Variants in ARID1B observed in about 807,000 individuals in gnomAD.
ARID1B encodes AT-rich interaction domain 1B.
ARID1B carries 30 observed loss-of-function variants against 212.3 expected under a neutral mutation model. That is an observed-to-expected ratio of 0.14 (90% CI 0.11 to 0.19). The LOEUF (loss-of-function observed/expected upper bound fraction) is 0.19. Ranked by LOEUF, ARID1B falls within the 10% of genes least tolerant of loss-of-function variation. The pLI, the probability that ARID1B is intolerant of heterozygous loss-of-function variation, is 1.00. For synonymous variants in ARID1B, 1,402 were observed against 1,301.7 expected, an observed-to-expected ratio of 1.08 and a Z score of -1.66; for missense variants, 2,891 against 3,204.0, an observed-to-expected ratio of 0.90 and a Z score of 2.36.
chr6:156,897,342 C>T (rs573753903), intron 2 of ARID1B, among the ~76,000 whole-genome samples: 2 of 150,664 alleles, frequency 1.3e-5, no homozygotes, highest in Non-Finnish European at 2.9e-5. Context: ...GGAGCGATCT[C>T]AGCTCACTGT....
At chr6:156,938,207 T>G (rs1792410650) in intron 4 of ARID1B, 1 of 152,224 alleles carries the variant, frequency 6.6e-6, no homozygotes, top group African/African-American at 2.4e-5. Flanking sequence ...ATACTTATAA[T>G]AAGTTGCACA....
At chr6:157,122,563 C>T (rs186690561) in intron 6 of ARID1B, among the ~76,000 whole-genome samples, 67 of 152,332 alleles carry the variant, frequency 4.4e-4, no homozygotes, top group Admixed American at 2.0e-3. Flanking sequence ...GTGGTGGAAA[C>T]GCGCTTGCCC....
Position 156,974,672 on chromosome 6 carries a change from A to T in ARID1B, c.2247+39096A>T, listed in dbSNP as rs73578007. 3.6e-3 allele frequency among the ~76,000 whole-genome samples: 552 copies of T among 152,340 alleles called. 6 individuals carry two copies. Among genetic ancestry groups the T allele is most frequent in the African/African-American group, 0.012 (517 of 41,572 alleles). Reference sequence around the variant, plus strand: ...TCTTAGATACTGGCAGAGTTGTTTTAACTCAGTGAGAAGCATCACATGGAA... The same window carrying T: ...TCTTAGATACTGGCAGAGTTGTTTTTACTCAGTGAGAAGCATCACATGGAA... On this transcript the variant is annotated intron_variant, in intron 4 of 19. Transcript: ENST00000636930.
At chr6:156,905,086 T>A (rs1789253974) in intron 3 of ARID1B, among the ~76,000 whole-genome samples, 2 of 152,196 alleles carry the variant, frequency 1.3e-5, no homozygotes, top group Non-Finnish European at 2.9e-5. Context: ...TATATATATT[T>A]TGAATTTTCT....
Position 157,084,700 on chromosome 6 carries a change from G to T in ARID1B, c.2286G>T (p.Thr762=), listed in dbSNP as rs6912981. The change falls in exon 5 of 20, where the codon ACG becomes ACT. Residue 762 remains threonine, a synonymous_variant. Coordinates refer to ENST00000636930, the MANE Select transcript of ARID1B (RefSeq NM_001374828.1). The part of the protein sequence containing the change: ...SGSIDDLPTG[T]EATLSSAVSA... ...CCATTGATGACCTCCCCACGGGAAC[G>T]GAAGCAACTTTGAGCTCAGCAGTCA... is the stretch of plus-strand genomic sequence containing the variant. 6.2e-7 allele frequency: 1 copy of T among 1,614,104 alleles called. No individual in the cohort carries two copies. Among genetic ancestry groups the T allele is most frequent in the South Asian group, 1.1e-5 (1 of 91,078 alleles).
At chr6:157,061,273 T>G (rs1583235422) in intron 4 of ARID1B, among the ~76,000 whole-genome samples, 1 of 152,230 alleles carries the variant, frequency 6.6e-6, no homozygotes, top group Non-Finnish European at 1.5e-5. Context: ...ATAATGGCAA[T>G]TATAATAGTA....
At chr6:157,080,103 G>A (rs978275960) in intron 4 of ARID1B, among the ~76,000 whole-genome samples, 3 of 152,164 alleles carry the variant, frequency 2.0e-5, no homozygotes, top group African/African-American at 7.2e-5. Context: ...TTCTGATTCA[G>A]TGTTTATCCT....
chr6:156,780,952 T>G (rs1016656968), intron 1 of ARID1B, among the ~76,000 whole-genome samples: 1 of 152,224 alleles, frequency 6.6e-6, no homozygotes, highest in African/African-American at 2.4e-5. Context: ...ATGGAAAAAT[T>G]TGAATTCTGT....
intron 2 of ARID1B, among the ~76,000 whole-genome samples, chr6:156,851,716 C>A (rs1784589665): frequency 6.6e-6 from 1 of 152,180 alleles, no homozygotes; most frequent in South Asian, 2.1e-4. Context: ...TTTTTACTGG[C>A]ACAGTTAATT....
intron 4 of ARID1B, chr6:156,939,326 T>G (rs1043990972): frequency 6.6e-6 from 1 of 152,210 alleles, no homozygotes; most frequent in African/African-American, 2.4e-5. Context: ...TGGATATCCC[T>G]CAATTTATAT....
At chr6:156,972,540 A>G (rs868001274) in intron 4 of ARID1B, among the ~76,000 whole-genome samples, 30 of 152,236 alleles carry the variant, frequency 2.0e-4, no homozygotes, top group African/African-American at 6.5e-4. Context: ...GAAGATGAAC[A>G]TTTAGTAAGC....
chr6:157,110,990 AGC>A (rs1786868440), intron 6 of ARID1B: 1 of 172,764 alleles, frequency 5.8e-6, no homozygotes, highest in African/African-American at 2.4e-5. Context: ...TTAAACCCAG[AGC>A]AAGACCCTGT....
At chr6:156,796,151 A>C (rs1780357863) in intron 1 of ARID1B, among the ~76,000 whole-genome samples, 1 of 152,222 alleles carries the variant, frequency 6.6e-6, no homozygotes, top group Non-Finnish European at 1.5e-5. Flanking sequence ...GCTTAGAATT[A>C]AATGAAGTCT....
intron 3 of ARID1B, among the ~76,000 whole-genome samples, chr6:156,909,271 G>A (rs1284929638): frequency 2.0e-5 from 3 of 151,648 alleles, no homozygotes; most frequent in South Asian, 2.1e-4. Flanking sequence ...GATTACAGGC[G>A]TGCACCTCCA....
At chr6:157,059,615 G>A (rs1365440343) in intron 4 of ARID1B, among the ~76,000 whole-genome samples, 2 of 152,186 alleles carry the variant, frequency 1.3e-5, no homozygotes, top group Admixed American at 6.5e-5. Flanking sequence ...TGTTTTCAGT[G>A]GGCCAGGCCC....
intron 2 of ARID1B, among the ~76,000 whole-genome samples, chr6:156,868,660 A>G (rs893239456): frequency 6.6e-6 from 1 of 151,564 alleles, no homozygotes; most frequent in Non-Finnish European, 1.5e-5. Context: ...TGACCTAGTC[A>G]CCTCCCGAAG....
chr6:157,000,716 T>TTTTTTTTTTA (rs1778863620), intron 4 of ARID1B, among the ~76,000 whole-genome samples: 31 of 102,458 alleles, frequency 3.0e-4, no homozygotes, highest in Non-Finnish European at 4.1e-4. Flanking sequence ...TTTTTTTTTT[T>TTTTTTTTTTA]GAGACAGAGT....
intron 2 of ARID1B, among the ~76,000 whole-genome samples, chr6:156,874,414 A>T (rs918948570): frequency 1.9e-4 from 29 of 152,086 alleles, no homozygotes; most frequent in African/African-American, 6.0e-4. Flanking sequence ...GACTCTCCTG[A>T]TTCCCCTTCT....
At chr6:157,010,808 G>A (rs1308786874) in intron 4 of ARID1B, among the ~76,000 whole-genome samples, 1 of 152,110 alleles carries the variant, frequency 6.6e-6, no homozygotes, top group African/African-American at 2.4e-5. Context: ...GAAAGTAGGT[G>A]TGACCTCTTT....
Sources: allele counts gnomAD v4.1 joint callset (sites outside exome capture counted in the v4.1 genomes callset), GRCh38; gene constraint gnomAD v4.1.1; transcripts MANE v1.5; gene names NCBI Gene and HGNC (gene_info 2026-07-23, HGNC 2026-07-21).